The following DRC4 variants were observed in gnomAD, a reference collection of about 807,000 sequenced individuals.
The protein encoded by DRC4 is GAS-11.
At chr16:90,031,618 G>A in the DRC4 span, 3 of 1,111,188 alleles carry the variant, frequency 2.7e-6, no homozygotes, top group African/African-American at 3.2e-5. Context: ...AGCCTTAAAG[G>A]TGTTTTTTAT....
At chr16:90,027,484 G>A in the DRC4 span, 16 of 697,084 alleles carry the variant, frequency 2.3e-5, no homozygotes, top group African/African-American at 2.7e-4. Context: ...GTGGTAAAGG[G>A]TGGGAACACT....
the DRC4 span, chr16:90,028,845 A>C: frequency 4.6e-6 from 4 of 878,680 alleles, no homozygotes; most frequent in Non-Finnish European, 6.2e-6. Context: ...ATAAAAAATC[A>C]ATACGAAGGA....
At chr16:90,035,590 T>G in the DRC4 span, 3 of 1,613,860 alleles carry the variant, frequency 1.9e-6, no homozygotes, top group Non-Finnish European at 2.5e-6. Context: ...CGGGCTTCCC[T>G]CTGTGTCCGG....
the DRC4 span, chr16:90,043,482 C>G: frequency 1.1e-6 from 1 of 904,380 alleles, no homozygotes; most frequent in South Asian, 1.7e-5. Context: ...TCTTGCCATC[C>G]TCTTTCCTGG....
At chr16:90,041,577 G>A in the DRC4 span, among the ~76,000 whole-genome samples, 7 of 152,178 alleles carry the variant, frequency 4.6e-5, no homozygotes, top group South Asian at 4.1e-4. Flanking sequence ...AGGCTGAGGT[G>A]GGCAGATCAC....
At chr16:90,037,682 C>G in the DRC4 span, 1 of 1,395,222 alleles carries the variant, frequency 7.2e-7, no homozygotes, top group Non-Finnish European at 1.0e-6. Flanking sequence ...TTGGCCTTGC[C>G]ATCTCCCAGG....
chr16:90,021,521 C>T, the DRC4 span, among the ~76,000 whole-genome samples: 3 of 151,814 alleles, frequency 2.0e-5, no homozygotes, highest in East Asian at 5.9e-4. Context: ...AGGGCTCAAA[C>T]GATTCTCCCA....
chr16:90,033,771 A>T, the DRC4 span, among the ~76,000 whole-genome samples: 1 of 152,112 alleles, frequency 6.6e-6, no homozygotes, highest in African/African-American at 2.4e-5. Context: ...AGGAGAGACA[A>T]CAGGTGAGTT....
At chr16:90,019,947 A>G in the DRC4 span, 5 of 394,782 alleles carry the variant, frequency 1.3e-5, no homozygotes, top group Non-Finnish European at 1.5e-5. This position sits in a 1 kb window ranked among gnomAD's most constrained non-coding sequence, Gnocchi z 6.1. Flanking sequence ...AAGGGGCGGG[A>G]TGGGGGATGG....
the DRC4 span, among the ~76,000 whole-genome samples, chr16:90,035,439 C>T: frequency 6.6e-6 from 1 of 152,254 alleles, no homozygotes; most frequent in South Asian, 2.1e-4. Flanking sequence ...GATGGTTTGG[C>T]GATGGAACCA....
the DRC4 span, chr16:90,040,170 T>G: frequency 1.2e-6 from 1 of 842,674 alleles, no homozygotes; most frequent in South Asian, 1.6e-5. Context: ...CTGACCCCGG[T>G]GCTGTGGGAG....
At chr16:90,040,815 G>C in the DRC4 span, among the ~76,000 whole-genome samples, 1 of 151,782 alleles carries the variant, frequency 6.6e-6, no homozygotes, top group African/African-American at 2.4e-5. Context: ...TGAGTCCACA[G>C]GTGGGGCTGG....
chr16:90,028,975 G>A, the DRC4 span: 1 of 1,304,884 alleles, frequency 7.7e-7, no homozygotes, highest in Non-Finnish European at 1.0e-6. Flanking sequence ...TGGCTAAGCA[G>A]AGAGGTGATG....
chr16:90,043,279 G>A, the DRC4 span: 1 of 1,613,550 alleles, frequency 6.2e-7, no homozygotes. Flanking sequence ...TCAAGCCCTT[G>A]GAAACAGCTG....
At chr16:90,036,044 T>C in the DRC4 span, among the ~76,000 whole-genome samples, 3 of 152,348 alleles carry the variant, frequency 2.0e-5, no homozygotes, top group African/African-American at 4.8e-5. Flanking sequence ...CTCTGTGTTT[T>C]ACTAATAAAG....
the DRC4 span, chr16:90,040,590 G>C: frequency 4.4e-6 from 6 of 1,359,096 alleles, no homozygotes; most frequent in Non-Finnish European, 6.1e-6. Flanking sequence ...CTGCTCCTCG[G>C]ATAGGCACAG....
the DRC4 span, chr16:90,019,846 G>T: frequency 1.5e-6 from 1 of 686,970 alleles, no homozygotes; most frequent in Middle Eastern, 2.4e-4. The surrounding 1 kb of genome is among the most constrained non-coding windows in gnomAD (Gnocchi z 6.1). Flanking sequence ...CCTGACTCGC[G>T]CTGGGTAATG....
chr16:90,031,221 C>A, the DRC4 span: 2 of 1,595,316 alleles, frequency 1.3e-6, no homozygotes, highest in South Asian at 2.2e-5. Flanking sequence ...TTCTTCCTTG[C>A]CTTTCGCCGG....
At chr16:90,021,440 C>T in the DRC4 span, among the ~76,000 whole-genome samples, 1 of 150,998 alleles carries the variant, frequency 6.6e-6, no homozygotes, top group Non-Finnish European at 1.5e-5. Context: ...GAGACAGGGT[C>T]TCAGGTCTCA....
Sources: allele counts gnomAD v4.1 joint callset (sites outside exome capture counted in the v4.1 genomes callset), GRCh38; gene constraint gnomAD v4.1.1; non-coding constraint Gnocchi (gnomAD v3.1); transcripts MANE v1.5; gene names NCBI Gene and HGNC (gene_info 2026-07-23, HGNC 2026-07-21).